STIM1: variants seen among roughly 807,000 people sequenced by gnomAD.
The protein encoded by STIM1 is stromal interaction molecule 1.
In STIM1, 25 loss-of-function variants were observed where a neutral mutation model predicts 74.7. The ratio of observed to expected loss-of-function variants is 0.33; its 90% confidence interval spans 0.24 to 0.47. STIM1 has a LOEUF of 0.47. Ranked by LOEUF, STIM1 falls within the 20% of genes least tolerant of loss-of-function variation. The pLI is 1.00. For missense variants in STIM1, 728 were observed against 920.8 expected, an observed-to-expected ratio of 0.79 and a Z score of 2.71; for synonymous variants, 328 against 348.8, an observed-to-expected ratio of 0.94 and a Z score of 0.66.
chr11:4,082,439 G>A (rs1010194369), intron 8 of STIM1, 88 bp downstream of exon 8: 3 of 1,358,106 alleles, frequency 2.2e-6, no homozygotes, highest in Non-Finnish European at 2.1e-6. Flanking sequence ...CCCTCTCCCT[G>A]TTCCTCCCAT....
At chr11:4,064,477 A>G (rs1204348107) in intron 5 of STIM1, among the ~76,000 whole-genome samples, 5 of 152,222 alleles carry the variant, frequency 3.3e-5, no homozygotes, top group African/African-American at 1.2e-4. Flanking sequence ...AGACCTCATC[A>G]TCAGTCATTT....
chr11:3,971,880 C>G (rs982785715), intron 2 of STIM1, among the ~76,000 whole-genome samples: 2 of 152,230 alleles, frequency 1.3e-5, no homozygotes, highest in South Asian at 2.1e-4. Flanking sequence ...CGGCCCTGCT[C>G]TCCTAATATT....
intron 2 of STIM1, among the ~76,000 whole-genome samples, chr11:3,992,581 T>C (rs988724022): frequency 6.6e-6 from 1 of 152,230 alleles, no homozygotes; most frequent in African/African-American, 2.4e-5. Flanking sequence ...TTCACTTTCT[T>C]GGTTGTATCC....
intron 3 of STIM1, among the ~76,000 whole-genome samples, chr11:4,034,101 C>T (rs181877992): frequency 3.3e-5 from 5 of 151,498 alleles, no homozygotes; most frequent in Admixed American, 6.6e-5. Context: ...TGGTGGCGGG[C>T]GCCTGTAATC....
intron 1 of STIM1, among the ~76,000 whole-genome samples, chr11:3,944,136 A>G (rs984338453): frequency 1.3e-5 from 2 of 152,214 alleles, no homozygotes; most frequent in African/African-American, 2.4e-5. Context: ...TAAGACCCCA[A>G]CTGAGTTGTT....
chr11:3,886,413 G>A (rs80045277), intron 1 of STIM1, among the ~76,000 whole-genome samples: 4,293 of 152,258 alleles, frequency 0.028, 202 homozygotes, highest in African/African-American at 0.095. Context: ...ACTTGGCTGG[G>A]CGCGGTGGCT....
intron 1 of STIM1, among the ~76,000 whole-genome samples, chr11:3,938,873 A>G (rs1304779833): frequency 1.3e-5 from 2 of 152,220 alleles, no homozygotes; most frequent in East Asian, 1.9e-4. Flanking sequence ...ACCATCATCC[A>G]GAATGAGCAG....
chr11:4,049,878 T>G (rs2094226179), intron 3 of STIM1, among the ~76,000 whole-genome samples: 1 of 152,116 alleles, frequency 6.6e-6, no homozygotes, highest in Non-Finnish European at 1.5e-5. Context: ...TTTAGTTTCT[T>G]CATCCTTAAA....
intron 2 of STIM1, among the ~76,000 whole-genome samples, chr11:3,986,003 T>G (rs897016827): frequency 6.6e-6 from 1 of 152,210 alleles, no homozygotes; most frequent in Non-Finnish European, 1.5e-5. Context: ...GAAATCTTTC[T>G]TACTTTTTGA....
At chr11:4,000,631 A>G (rs374570420) in intron 2 of STIM1, among the ~76,000 whole-genome samples, 64 of 151,586 alleles carry the variant, frequency 4.2e-4, no homozygotes, top group African/African-American at 1.5e-3. Context: ...CCACAAAGAT[A>G]GGGAAAAAAC....
intron 3 of STIM1, among the ~76,000 whole-genome samples, chr11:4,039,768 T>A (rs1248677253): frequency 6.6e-6 from 1 of 151,816 alleles, no homozygotes; most frequent in Non-Finnish European, 1.5e-5. Flanking sequence ...GATATTTTAT[T>A]TTATTATATT....
chr11:4,053,282 G>A (rs1439898973), intron 3 of STIM1, among the ~76,000 whole-genome samples: 4 of 152,170 alleles, frequency 2.6e-5, no homozygotes, highest in South Asian at 2.1e-4. Flanking sequence ...ACATGCACAC[G>A]TGTGTTTATT....
At chr11:4,022,587 A>G (rs1423147826) in intron 2 of STIM1, among the ~76,000 whole-genome samples, 1 of 152,076 alleles carries the variant, frequency 6.6e-6, no homozygotes, top group East Asian at 1.9e-4. Context: ...TCCCTGTTCA[A>G]TATATTAGAT....
At chr11:4,089,096 CA>C (rs1007064848) in intron 12 of STIM1, 10 of 283,316 alleles carry the variant, frequency 3.5e-5, no homozygotes, top group Non-Finnish European at 7.1e-5. Flanking sequence ...TTTAGTTGGG[CA>C]TGGTGGCACA....
intron 3 of STIM1, among the ~76,000 whole-genome samples, chr11:4,043,076 C>T (rs1017808150): frequency 1.3e-5 from 2 of 152,132 alleles, no homozygotes; most frequent in Non-Finnish European, 2.9e-5. Context: ...AAGTGATTTA[C>T]GCAAGCTAGT....
chr11:4,051,859 A>G (rs1220190909), intron 3 of STIM1, among the ~76,000 whole-genome samples: 1 of 152,150 alleles, frequency 6.6e-6, no homozygotes, highest in African/African-American at 2.4e-5. Flanking sequence ...AGAAAACCCC[A>G]TCGTCTCAGC....
intron 2 of STIM1, among the ~76,000 whole-genome samples, chr11:4,012,626 G>T (rs1478815402): frequency 5.3e-5 from 8 of 152,174 alleles, no homozygotes; most frequent in South Asian, 2.1e-4. Flanking sequence ...GATTTTGGGC[G>T]GAGACGATGG....
chr11:4,041,827 T>C (rs1291330498), intron 3 of STIM1, among the ~76,000 whole-genome samples: 1 of 152,154 alleles, frequency 6.6e-6, no homozygotes, highest in Non-Finnish European at 1.5e-5. Flanking sequence ...CCTCAAGTGA[T>C]CCTCCTGCCT....
chr11:4,037,336 C>G (rs1260979218), intron 3 of STIM1, among the ~76,000 whole-genome samples: 2 of 152,194 alleles, frequency 1.3e-5, no homozygotes, highest in Non-Finnish European at 2.9e-5. Flanking sequence ...CAGGCGTGAG[C>G]CACTGCATCC....
Sources: allele counts gnomAD v4.1 joint callset (sites outside exome capture counted in the v4.1 genomes callset), GRCh38; gene constraint gnomAD v4.1.1; transcripts MANE v1.5; gene names NCBI Gene and HGNC (gene_info 2026-07-23, HGNC 2026-07-21).